The following DLG1 variants were observed in gnomAD, a reference collection of about 807,000 sequenced individuals.
The protein encoded by DLG1 is discs large MAGUK scaffold protein 1, also known as disks large homolog 1.
Under a neutral mutation model 123.4 loss-of-function variants are expected in DLG1, and 42 were observed. The ratio of observed to expected loss-of-function variants is 0.34; its 90% CI spans 0.27 to 0.44. The LOEUF (loss-of-function observed/expected upper bound fraction) is 0.44, where lower values mean the gene tolerates loss of function less well. Ranked by LOEUF, DLG1 falls within the 20% of genes least tolerant of loss-of-function variation. The pLI is 1.00. For synonymous variants in DLG1, 317 were observed against 356.2 expected (o/e 0.89, Z 1.24); for missense variants, 942 against 1,082.6 (o/e 0.87, Z 1.82).
chr3:197,136,893 CAT>C (rs1306672550), intron 9 of DLG1, among the ~76,000 whole-genome samples: 2 of 152,356 alleles, frequency 1.3e-5, no homozygotes, highest in African/African-American at 2.4e-5. Flanking sequence ...TTTTATCCCA[CAT>C]GTTCCTTCTT....
chr3:197,264,916 A>G (rs553787061), intron 4 of DLG1, among the ~76,000 whole-genome samples: 80 of 152,324 alleles, frequency 5.3e-4, no homozygotes, highest in African/African-American at 1.9e-3. Flanking sequence ...GCGTGTATTT[A>G]TAACCTTCAT....
intron 19 of DLG1, chr3:197,068,506 T>C: frequency 6.3e-7 from 1 of 1,580,198 alleles, no homozygotes; most frequent in Non-Finnish European, 8.6e-7. Flanking sequence ...ATGGACCTTT[T>C]GAGCAGCCAT....
chr3:197,190,822 A>G (rs1718981582), intron 5 of DLG1, among the ~76,000 whole-genome samples: 1 of 152,208 alleles, frequency 6.6e-6, no homozygotes, highest in African/African-American at 2.4e-5. Flanking sequence ...CATCCTGGCT[A>G]ACACGGTGAA....
intron 6 of DLG1, among the ~76,000 whole-genome samples, chr3:197,142,972 TATC>T (rs529929943): frequency 5.9e-5 from 9 of 152,344 alleles, no homozygotes; most frequent in African/African-American, 2.2e-4. Context: ...ACATTCGTGG[TATC>T]ATGACTTTCA....
intron 5 of DLG1, among the ~76,000 whole-genome samples, chr3:197,164,799 G>C (rs1800559949): frequency 1.3e-5 from 2 of 151,522 alleles, no homozygotes; most frequent in Admixed American, 1.3e-4. Flanking sequence ...GTGCATGCCT[G>C]TAGTCCCAGC....
intron 11 of DLG1, among the ~76,000 whole-genome samples, chr3:197,125,075 G>C (rs1339095422): frequency 6.6e-6 from 1 of 152,098 alleles, no homozygotes; most frequent in Non-Finnish European, 1.5e-5. Flanking sequence ...AGTGAAAGTC[G>C]AGTTTCGGGG....
At chr3:197,299,199 T>C (rs1778719483), upstream of DLG1, 1 of 152,202 alleles carries the variant, frequency 6.6e-6, no homozygotes, top group Non-Finnish European at 1.5e-5. Flanking sequence ...GCTTTCCAAG[T>C]CACTGCCCAC....
intron 4 of DLG1, among the ~76,000 whole-genome samples, chr3:197,247,727 C>T (rs916695840): frequency 6.6e-6 from 1 of 152,170 alleles, no homozygotes; most frequent in Non-Finnish European, 1.5e-5. Context: ...ATTATTTTAA[C>T]ATGAGACCTA....
intron 5 of DLG1, among the ~76,000 whole-genome samples, chr3:197,191,412 C>T (rs1253255650): frequency 2.6e-5 from 4 of 152,244 alleles, no homozygotes; most frequent in African/African-American, 9.6e-5. Flanking sequence ...GAATAGGCTA[C>T]ATAAAATATG....
chr3:197,068,419 A>C (rs1741242918), intron 19 of DLG1: 2 of 942,038 alleles, frequency 2.1e-6, no homozygotes. Context: ...TGTGTAGAAA[A>C]ATAATCAACC....
chr3:197,054,911 G>C (rs1730603643), intron 23 of DLG1, among the ~76,000 whole-genome samples: 1 of 152,188 alleles, frequency 6.6e-6, no homozygotes, highest in South Asian at 2.1e-4. Context: ...CGCCTCCTGG[G>C]TTCAAGCGAT....
chr3:197,250,005 G>A (rs1220731879), intron 4 of DLG1, among the ~76,000 whole-genome samples: 2 of 152,136 alleles, frequency 1.3e-5, no homozygotes, highest in Non-Finnish European at 2.9e-5. Context: ...TCTGGACCAA[G>A]ACAAAAATGC....
At chr3:197,073,605 T>C (rs1360617169) in intron 18 of DLG1, among the ~76,000 whole-genome samples, 1 of 152,202 alleles carries the variant, frequency 6.6e-6, no homozygotes, top group Non-Finnish European at 1.5e-5. Context: ...TTAGGTTTGA[T>C]AAGACGATTT....
At chr3:197,097,543 G>A (rs1039646566) in intron 14 of DLG1, among the ~76,000 whole-genome samples, 23 of 149,896 alleles carry the variant, frequency 1.5e-4, no homozygotes, top group Non-Finnish European at 2.7e-4. Flanking sequence ...AGTTTTGGGC[G>A]ATTCAGTTTT....
At chr3:197,225,718 CAT>C (rs1325630982) in intron 4 of DLG1, 1 of 152,630 alleles carries the variant, frequency 6.6e-6, no homozygotes, top group Non-Finnish European at 1.5e-5. Flanking sequence ...ATTCTTTACT[CAT>C]GTCAGACACA....
rs1433098396 is a variant in DLG1 at position 197,204,959 on chromosome 3, A to G, written c.319-10370T>C. 2.0e-5 allele frequency among the ~76,000 whole-genome samples: 3 copies of G among 152,212 alleles called. No homozygotes were observed. In the East Asian group the frequency reaches 5.8e-4, roughly 29 times the overall value. ...AGCAATCGCCAAAAGGTTAAGGGCC[A>G]AGAAGAACAGAATTACTAATTCAAG... On this transcript the variant is annotated intron_variant, in intron 4 of 24. Transcript: ENST00000667157.
chr3:197,267,637 T>C lies in DLG1; in HGVS notation c.318+15042A>G, dbSNP rs1210461103. 4.0e-5 allele frequency among the ~76,000 whole-genome samples: 6 copies of C among 149,630 alleles called. No individual in the cohort carries two copies. In the East Asian group the frequency reaches 1.2e-3, roughly 29 times the overall value. On this transcript the variant is annotated intron_variant, in intron 4 of 24. Coordinates refer to ENST00000667157, the MANE Select transcript of DLG1 (RefSeq NM_001366207.1). ...TTCTCCACAGTAACTGTTCTCTTTTTTCCTTTATTTACCTTAAAAAAAATT... is the reference window on the plus strand; with the variant it reads ...TTCTCCACAGTAACTGTTCTCTTTTCTCCTTTATTTACCTTAAAAAAAATT...
chr3:197,168,969 T>C (rs1802741811), intron 5 of DLG1, among the ~76,000 whole-genome samples: 1 of 152,234 alleles, frequency 6.6e-6, no homozygotes, highest in Non-Finnish European at 1.5e-5. Context: ...AAGTACCTTT[T>C]AAAAACCAGT....
At chr3:197,096,249 A>C (rs1760576381) in intron 14 of DLG1, among the ~76,000 whole-genome samples, 2 of 152,240 alleles carry the variant, frequency 1.3e-5, no homozygotes, top group Non-Finnish European at 2.9e-5. Flanking sequence ...TTCATGTTTA[A>C]GTTTTCTTCC....
Sources: gnomAD v4.1 joint callset for allele counts (sites outside exome capture counted in the v4.1 genomes callset) on GRCh38, gnomAD v4.1.1 for gene constraint, MANE v1.5 for transcripts, NCBI Gene and HGNC (gene_info 2026-07-23, HGNC 2026-07-21) for gene names.